Variants in CPXM2 observed in about 807,000 individuals in gnomAD.
CPXM2 encodes inactive carboxypeptidase-like protein X2.
A neutral mutation model predicts 86.1 loss-of-function variants in CPXM2; 66 were observed. The ratio of observed to expected loss-of-function variants is 0.77; its 90% CI spans 0.63 to 0.94. The LOEUF is 0.94. Ranked by LOEUF, CPXM2 falls within the 40% of genes least tolerant of loss-of-function variation. The pLI is 0.00. For missense variants in CPXM2, 948 were observed against 1,026.3 expected (o/e 0.92, Z 1.04); for synonymous variants, 388 against 400.2 (o/e 0.97, Z 0.36).
chr10:123,922,951 C>T (rs554984082), intron 2 of CPXM2, among the ~76,000 whole-genome samples: 1 of 152,312 alleles, frequency 6.6e-6, no homozygotes, highest in South Asian at 2.1e-4. Flanking sequence ...AACGAGTGAA[C>T]AGATTACTCA....
intron 6 of CPXM2, among the ~76,000 whole-genome samples, chr10:123,793,097 C>G (rs1355915161): frequency 6.6e-6 from 1 of 152,160 alleles, no homozygotes; most frequent in Non-Finnish European, 1.5e-5. Context: ...GAAGGTATTC[C>G]CTCTACTCCA....
intron 6 of CPXM2, among the ~76,000 whole-genome samples, chr10:123,794,958 C>T (rs1312246634): frequency 3.9e-5 from 6 of 152,154 alleles, no homozygotes; most frequent in South Asian, 4.2e-4. Context: ...TTAGTAGAGA[C>T]GGGGTTTCAG....
intron 4 of CPXM2, among the ~76,000 whole-genome samples, chr10:123,813,941 GA>G (rs1847749999): frequency 6.6e-6 from 1 of 152,206 alleles, no homozygotes; most frequent in East Asian, 1.9e-4. Flanking sequence ...GGCCACAGTG[GA>G]ATACCTAAAG....
chr10:123,930,203 C>CAA (rs35958869), intron 2 of CPXM2, among the ~76,000 whole-genome samples: 3 of 151,966 alleles, frequency 2.0e-5, no homozygotes, highest in South Asian at 2.1e-4. Flanking sequence ...CCTGAGTACA[C>CAA]GTGGGCCCTG....
At chr10:123,835,790 T>C (rs1034601263) in intron 4 of CPXM2, among the ~76,000 whole-genome samples, 15 of 152,188 alleles carry the variant, frequency 9.9e-5, no homozygotes, top group African/African-American at 1.9e-4. Context: ...CTCTGCACTA[T>C]GGCAGGCTGC....
intron 6 of CPXM2, among the ~76,000 whole-genome samples, chr10:123,794,734 C>A (rs1037349873): frequency 7.1e-6 from 1 of 141,244 alleles, no homozygotes; most frequent in Non-Finnish European, 1.5e-5. Flanking sequence ...TATTTAAGAC[C>A]GTGTGTGTGT....
intron 4 of CPXM2, among the ~76,000 whole-genome samples, chr10:123,841,518 C>G (rs1449471506): frequency 6.6e-6 from 1 of 152,180 alleles, no homozygotes; most frequent in African/African-American, 2.4e-5. Flanking sequence ...CCCAATTCCC[C>G]CTTCCTCCTA....
intron 2 of CPXM2, among the ~76,000 whole-genome samples, chr10:123,899,016 C>G (rs1945360916): frequency 6.6e-6 from 1 of 152,226 alleles, no homozygotes; most frequent in South Asian, 2.1e-4. Flanking sequence ...TCCCAAAGTG[C>G]TGGGATTACA....
rs1429631580 is a variant in CPXM2 at position 123,891,370 on chromosome 10, T to C, written c.290A>G (p.Glu97Gly). The change falls in exon 1 of 14, where the codon GAG becomes GGG. Residue 97 changes from glutamate to glycine, a missense_variant. Transcript: ENST00000241305. The surrounding 1 kb of genome is among the most constrained non-coding windows in gnomAD (Gnocchi z 5.6). ...KAPKREKSAP[E>G]PPPPGKHSNK... ...AAGTTCCTTACCTGGTGGAGGCGGC[T>C]CCGGAGCCGACTTCTCCCTCTTGGG... The C allele has an allele frequency of 1.3e-6, 2 of 1,551,772 alleles. No individual in the cohort carries two copies. Among genetic ancestry groups the C allele is most frequent in the East Asian group, 2.5e-5 (1 of 40,742 alleles).
intron 3 of CPXM2, among the ~76,000 whole-genome samples, chr10:123,852,279 C>T (rs529619367): frequency 6.6e-6 from 1 of 152,284 alleles, no homozygotes; most frequent in Admixed American, 6.5e-5. Context: ...CATTAGATTA[C>T]TAGATTATCA....
chr10:123,765,943 C>G (rs985402873), intron 10 of CPXM2, among the ~76,000 whole-genome samples: 1 of 152,208 alleles, frequency 6.6e-6, no homozygotes, highest in Admixed American at 6.5e-5. Flanking sequence ...TTGTTTTGAG[C>G]TTGCAATATG....
intron 4 of CPXM2, among the ~76,000 whole-genome samples, chr10:123,829,834 AAAACCC>A (rs1193735801): frequency 2.6e-5 from 4 of 152,188 alleles, no homozygotes; most frequent in African/African-American, 4.8e-5. Context: ...GACAGAATAA[AAAACCC>A]AAAAGTAAAC....
intron 2 of CPXM2, among the ~76,000 whole-genome samples, chr10:123,902,663 T>C (rs1945394680): frequency 6.6e-6 from 1 of 152,158 alleles, no homozygotes; most frequent in Non-Finnish European, 1.5e-5. Flanking sequence ...TGGGCCTCTT[T>C]ATAAGGGCAC....
intron 2 of CPXM2, among the ~76,000 whole-genome samples, chr10:123,877,367 C>T (rs1945005317): frequency 6.6e-6 from 1 of 152,206 alleles, no homozygotes; most frequent in Non-Finnish European, 1.5e-5. Context: ...GTATAACAAG[C>T]AACCCCTAAC....
At chr10:123,912,860 T>G (rs1945502187) in intron 2 of CPXM2, among the ~76,000 whole-genome samples, 1 of 152,244 alleles carries the variant, frequency 6.6e-6, no homozygotes, top group East Asian at 1.9e-4. Flanking sequence ...TACTTTGTTG[T>G]TGTTTTCATT....
At position 123,799,143 on chromosome 10, in the gene CPXM2, A is replaced by T; in HGVS notation, c.710T>A (p.Val237Asp). The T allele has an allele frequency of 6.2e-7, 1 of 1,614,170 alleles. No individual in the cohort carries two copies. The highest frequency in any genetic ancestry group is 1.7e-5 in the Admixed American group (1 of 60,026). The change falls in exon 5 of 14, where the codon GTC becomes GAC. Residue 237 changes from valine (V) to aspartate (D), a missense_variant. Physicochemically the swap from Val to Asp is radical, Grantham distance 152 (BLOSUM62 -3). Coordinates refer to ENST00000241305, the MANE Select transcript of CPXM2 (RefSeq NM_198148.3). Reference sequence around the variant, plus strand: ...GTCTCCAGATCCATTCTTAACAGTGACCCACGTGTGGCTGTCATTGCTCAC... The same window carrying T: ...GTCTCCAGATCCATTCTTAACAGTGTCCCACGTGTGGCTGTCATTGCTCAC... ...VMVSNDSHTWVTVKNGSGDMI... is the reference protein window; with the variant it reads ...VMVSNDSHTWDTVKNGSGDMI...
At chr10:123,857,569 G>A (rs1055305690) in intron 3 of CPXM2, among the ~76,000 whole-genome samples, 4 of 133,980 alleles carry the variant, frequency 3.0e-5, no homozygotes, top group African/African-American at 1.1e-4. Flanking sequence ...GAGATGGAAG[G>A]CGGCGTGGAG....
chr10:123,839,659 G>C (rs1212924509), intron 4 of CPXM2, among the ~76,000 whole-genome samples: 1 of 152,176 alleles, frequency 6.6e-6, no homozygotes, highest in Non-Finnish European at 1.5e-5. Flanking sequence ...CATGGCAAGA[G>C]AGAAAGGGAG....
chr10:123,926,704 A>C (rs1397879643), intron 2 of CPXM2, among the ~76,000 whole-genome samples: 5 of 152,196 alleles, frequency 3.3e-5, no homozygotes, highest in Admixed American at 3.3e-4. Flanking sequence ...TGGAACATAA[A>C]CGTATGTCCA....
Sources: allele counts gnomAD v4.1 joint callset (sites outside exome capture counted in the v4.1 genomes callset), GRCh38; gene constraint gnomAD v4.1.1; non-coding constraint Gnocchi (gnomAD v3.1); transcripts MANE v1.5; gene names NCBI Gene and HGNC (gene_info 2026-07-23, HGNC 2026-07-21).